Variants in NAA15 observed in about 807,000 individuals in gnomAD.
NAA15 encodes the protein N-alpha-acetyltransferase 15, NatA auxiliary subunit, also known as N-terminal acetyltransferase.
NAA15 carries 34 observed loss-of-function variants against 114.0 expected under a neutral mutation model. That is an observed-to-expected ratio of 0.30 (90% CI 0.23 to 0.40). The LOEUF (loss-of-function observed/expected upper bound fraction) is 0.40, where lower values mean the gene tolerates loss of function less well. Ranked by LOEUF, NAA15 falls within the 10% of genes least tolerant of loss-of-function variation. The pLI, the probability that NAA15 is intolerant of heterozygous loss-of-function variation, is 1.00. For synonymous variants in NAA15, 340 were observed against 338.0 expected (o/e 1.01, Z -0.06); for missense variants, 658 against 1,004.5 (o/e 0.66, Z 4.66).
At chr4:139,346,348 C>G (rs1488016765) in intron 6 of NAA15, among the ~76,000 whole-genome samples, 1 of 151,942 alleles carries the variant, frequency 6.6e-6, no homozygotes, top group African/African-American at 2.4e-5. Flanking sequence ...GTATTGAATA[C>G]CTACTTTGAG....
chr4:139,307,258 G>T (rs1026049694), intron 1 of NAA15, among the ~76,000 whole-genome samples: 1 of 152,176 alleles, frequency 6.6e-6, no homozygotes, highest in African/African-American at 2.4e-5. Flanking sequence ...CATTGGCCAT[G>T]TGTAGGTTTG....
chr4:139,359,839 A>G lies in NAA15; in HGVS notation c.1354A>G (p.Met452Val). 1 of 1,609,380 alleles carries G rather than the reference A, an allele frequency of 6.2e-7. No individual in the cohort carries two copies. Among genetic ancestry groups the G allele is most frequent in the Non-Finnish European group, 8.5e-7 (1 of 1,179,136 alleles). The change falls in exon 12 of 20, where the codon ATG (methionine) becomes GTG (valine). Residue 452 changes from methionine (M) to valine (V), a missense_variant. Met to Val is a conservative substitution (Grantham distance 21). Transcript: ENST00000296543. Reference protein sequence around the residue: ...RFINSKCAKYMLKANLIKEAE... With the variant: ...RFINSKCAKYVLKANLIKEAE... ...TATCAACTCCAAATGTGCAAAATACATGCTAAAAGCCAACCTGATTAAAGA... is the reference window on the plus strand; with the variant it reads ...TATCAACTCCAAATGTGCAAAATACGTGCTAAAAGCCAACCTGATTAAAGA...
chr4:139,345,631 G>A (rs971135990), intron 6 of NAA15, among the ~76,000 whole-genome samples: 1 of 152,150 alleles, frequency 6.6e-6, no homozygotes, highest in Non-Finnish European at 1.5e-5. Flanking sequence ...CTATTTAAAA[G>A]AGACTGAGGC....
intron 3 of NAA15, among the ~76,000 whole-genome samples, chr4:139,339,019 C>T (rs144673961): frequency 6.6e-6 from 1 of 152,062 alleles, no homozygotes; most frequent in Non-Finnish European, 1.5e-5. Flanking sequence ...CAGTGTTGGC[C>T]AGGCTGGTCT....
At chr4:139,343,562 T>C (rs1747482863) in intron 5 of NAA15, among the ~76,000 whole-genome samples, 1 of 152,248 alleles carries the variant, frequency 6.6e-6, no homozygotes, top group African/African-American at 2.4e-5. Context: ...TTGTAGGATG[T>C]CCCTCAATTT....
In NAA15 at chr4:139,384,986, CTTTA is replaced by C. The variant is rs1560983831; in HGVS notation, c.2302+12_2302+15del. On this transcript the variant is annotated intron_variant, in intron 18 of 19. Transcript: ENST00000296543. ...TGCCACACAGATTATCAGGTAATCA[CTTTA>C]TTTTATCCTTAGCCTTCTAAAACAA... 6.6e-7 allele frequency: 1 copy of C among 1,507,704 alleles called. No homozygotes were observed. The highest frequency in any genetic ancestry group is 8.9e-7 in the Non-Finnish European group (1 of 1,128,430). 93.4% of individuals were successfully genotyped at this position (1,507,704 alleles called of 1,614,324 possible). A position where few individuals can be genotyped will look rare whatever the true frequency, so the allele number is the denominator to read the frequency against.
intron 1 of NAA15, among the ~76,000 whole-genome samples, chr4:139,312,883 A>G (rs1746266954): frequency 6.6e-6 from 1 of 151,872 alleles, no homozygotes; most frequent in Non-Finnish European, 1.5e-5. Context: ...TTGCAGTGTA[A>G]GAATTAAATG....
chr4:139,374,083 A>C (rs1275221646), intron 15 of NAA15, among the ~76,000 whole-genome samples: 1 of 152,104 alleles, frequency 6.6e-6, no homozygotes, highest in Non-Finnish European at 1.5e-5. Flanking sequence ...TTTCTTTAAA[A>C]AGTTGTATCA....
At chr4:139,363,325 C>G (rs1392581187) in intron 14 of NAA15, among the ~76,000 whole-genome samples, 1 of 152,190 alleles carries the variant, frequency 6.6e-6, no homozygotes, top group Non-Finnish European at 1.5e-5. Context: ...TCACTTTTCT[C>G]CCACCCATTC....
chr4:139,328,253 C>T (rs764241430), intron 1 of NAA15, among the ~76,000 whole-genome samples: 23 of 152,152 alleles, frequency 1.5e-4, no homozygotes, highest in Non-Finnish European at 2.6e-4. Context: ...GTTGCCCATG[C>T]TGGAGTGCAG....
chr4:139,333,855 ACGCCACTG>A (rs1747112295), intron 1 of NAA15, among the ~76,000 whole-genome samples: 1 of 152,128 alleles, frequency 6.6e-6, no homozygotes, highest in Non-Finnish European at 1.5e-5. Flanking sequence ...AGCTGTCATC[ACGCCACTG>A]TGCCCTGCCT....
At chr4:139,377,538 C>CAA (rs34989554) in intron 16 of NAA15, among the ~76,000 whole-genome samples, 17 of 140,774 alleles carry the variant, frequency 1.2e-4, no homozygotes, top group African/African-American at 2.6e-4. Context: ...AACTCCATCT[C>CAA]AAAAAAAAAA....
intron 14 of NAA15, among the ~76,000 whole-genome samples, chr4:139,365,764 T>TA (rs1748262304): frequency 6.6e-6 from 1 of 152,046 alleles, no homozygotes; most frequent in Non-Finnish European, 1.5e-5. Flanking sequence ...AGTGGAAGGA[T>TA]CTTTTGAGCC....
intron 3 of NAA15, among the ~76,000 whole-genome samples, chr4:139,338,397 G>A (rs990334958): frequency 1.4e-4 from 21 of 152,026 alleles, no homozygotes; most frequent in African/African-American, 4.8e-4. Flanking sequence ...TATTAAATAT[G>A]TGTTTTTAGT....
chr4:139,343,347 T>C (rs749659132), intron 5 of NAA15, among the ~76,000 whole-genome samples: 12 of 152,220 alleles, frequency 7.9e-5, no homozygotes, highest in African/African-American at 1.9e-4. Context: ...TAGACTGTTA[T>C]CTAATTAATC....
chr4:139,334,914 C>T (rs956269342), intron 2 of NAA15, among the ~76,000 whole-genome samples: 1 of 151,750 alleles, frequency 6.6e-6, no homozygotes, highest in African/African-American at 2.4e-5. Flanking sequence ...GATTCCTTGC[C>T]TTTTTTTTGG....
intron 1 of NAA15, among the ~76,000 whole-genome samples, chr4:139,322,380 G>A (rs1579091579): frequency 6.6e-6 from 1 of 152,340 alleles, no homozygotes; most frequent in East Asian, 1.9e-4. Flanking sequence ...TCATGGAACT[G>A]TAAGTCCAAT....
At chr4:139,367,382 T>C (rs1748312231) in intron 14 of NAA15, among the ~76,000 whole-genome samples, 1 of 152,162 alleles carries the variant, frequency 6.6e-6, no homozygotes, top group African/African-American at 2.4e-5. Context: ...TGCAACTGAG[T>C]AGTTTTTCAG....
In NAA15 at chr4:139,334,276, A is replaced by C; in HGVS notation, c.139+18A>C. 1 of 1,512,132 alleles carries C rather than the reference A, an allele frequency of 6.6e-7. No individual in the cohort carries two copies. The highest frequency in any genetic ancestry group is 1.2e-5 in the South Asian group (1 of 81,134). 93.7% of individuals were successfully genotyped at this position (1,512,132 alleles called of 1,614,324 possible). On this transcript the variant is annotated intron_variant, in intron 2 of 19. Coordinates refer to ENST00000296543, the MANE Select transcript of NAA15 (RefSeq NM_057175.5). ...GCATGGAGGTAAGTGCAAGTAGATA[A>C]AGCTTTACTACATACCTGTCTGGCC...
Sources: allele counts gnomAD v4.1 joint callset (sites outside exome capture counted in the v4.1 genomes callset), GRCh38; gene constraint gnomAD v4.1.1; transcripts MANE v1.5; gene names NCBI Gene and HGNC (gene_info 2026-07-23, HGNC 2026-07-21).